The following DCC variants were observed in gnomAD, a reference collection of about 807,000 sequenced individuals.
DCC encodes the protein netrin receptor DCC.
In DCC, 58 loss-of-function variants were observed where a neutral mutation model predicts 172.5. That is an observed-to-expected ratio of 0.34 (90% CI 0.27 to 0.42). The LOEUF (loss-of-function observed/expected upper bound fraction) is 0.42. DCC is among the 10% of genes least tolerant of loss of function. DCC has a pLI of 1.00. For synonymous variants in DCC, 709 were observed against 644.5 expected (o/e 1.10, Z -1.52); for missense variants, 1,740 against 1,791.0 (o/e 0.97, Z 0.51).
At chr18:53,353,974 C>T (rs898341113) in intron 15 of DCC, among the ~76,000 whole-genome samples, 10 of 152,140 alleles carry the variant, frequency 6.6e-5, no homozygotes, top group East Asian at 1.9e-4. Flanking sequence ...CAAGTGTTCT[C>T]GTTGTTCAAT....
intron 12 of DCC, among the ~76,000 whole-genome samples, chr18:53,256,083 G>A (rs2056508292): frequency 6.6e-6 from 1 of 152,016 alleles, no homozygotes; most frequent in African/African-American, 2.4e-5. Context: ...TTGTAAATTT[G>A]TTTGAGTTCA....
chr18:52,926,297 A>G (rs557924510), intron 5 of DCC, among the ~76,000 whole-genome samples: 39 of 152,056 alleles, frequency 2.6e-4, no homozygotes, highest in Non-Finnish European at 4.7e-4. Flanking sequence ...AAGGTTATTC[A>G]GAAAACACTT....
At chr18:52,880,102 G>A (rs1422524551) in intron 2 of DCC, among the ~76,000 whole-genome samples, 1 of 151,672 alleles carries the variant, frequency 6.6e-6, no homozygotes, top group Non-Finnish European at 1.5e-5. Flanking sequence ...ACTCCGTTGT[G>A]CTATCAAATA....
chr18:52,491,654 T>C (rs972220151), intron 1 of DCC, among the ~76,000 whole-genome samples: 32 of 152,066 alleles, frequency 2.1e-4, no homozygotes, highest in Admixed American at 2.0e-4. Flanking sequence ...GTGGTGACAA[T>C]GAAGACAGAA....
chr18:52,811,040 C>T (rs1268383131), intron 2 of DCC, among the ~76,000 whole-genome samples: 3 of 152,100 alleles, frequency 2.0e-5, no homozygotes, highest in African/African-American at 7.2e-5. Flanking sequence ...GGACAACACA[C>T]AAATCGTTGA....
chr18:53,448,047 G>GTTT (rs35238619), intron 22 of DCC, among the ~76,000 whole-genome samples: 1,424 of 113,574 alleles, frequency 0.013, 43 homozygotes, highest in African/African-American at 0.045. Flanking sequence ...ATTTTGATGA[G>GTTT]TTTTTTTTTT....
At chr18:53,519,439 A>G (rs192200388) in intron 27 of DCC, among the ~76,000 whole-genome samples, 1 of 151,864 alleles carries the variant, frequency 6.6e-6, no homozygotes, top group East Asian at 1.9e-4. Context: ...ATGAAAGGTG[A>G]TTTTTCCAAC....
intron 13 of DCC, among the ~76,000 whole-genome samples, chr18:53,319,113 C>T (rs1222877552): frequency 1.3e-5 from 2 of 152,086 alleles, no homozygotes; most frequent in Non-Finnish European, 2.9e-5. Flanking sequence ...CTGAAGGAAG[C>T]ACTAAATATG....
At chr18:53,113,273 A>T (rs1185258190) in intron 7 of DCC, among the ~76,000 whole-genome samples, 3 of 151,514 alleles carry the variant, frequency 2.0e-5, no homozygotes, top group Non-Finnish European at 4.4e-5. Flanking sequence ...TGCTCGGTAA[A>T]TAAACTATAG....
intron 5 of DCC, among the ~76,000 whole-genome samples, chr18:52,930,369 G>A (rs188094426): frequency 1.3e-5 from 2 of 152,222 alleles, no homozygotes; most frequent in African/African-American, 4.8e-5. Flanking sequence ...TGAAGGAAAG[G>A]ATCTTTTGAG....
At chr18:53,505,744 A>G (rs2046165625) in intron 27 of DCC, among the ~76,000 whole-genome samples, 1 of 152,230 alleles carries the variant, frequency 6.6e-6, no homozygotes, top group African/African-American at 2.4e-5. Flanking sequence ...GAAACATGTA[A>G]GCTACAAAGA....
At chr18:53,001,513 C>T (rs2041564146) in intron 5 of DCC, among the ~76,000 whole-genome samples, 1 of 152,062 alleles carries the variant, frequency 6.6e-6, no homozygotes, top group Non-Finnish European at 1.5e-5. Flanking sequence ...TTTATGAGAA[C>T]AGTAAGTCAC....
chr18:53,208,303 G>A (rs1226485018), intron 11 of DCC, among the ~76,000 whole-genome samples: 2 of 151,318 alleles, frequency 1.3e-5, no homozygotes, highest in Non-Finnish European at 2.9e-5. Flanking sequence ...ATGTATATAT[G>A]TATATACATA....
intron 7 of DCC, among the ~76,000 whole-genome samples, chr18:53,072,773 T>G (rs1599098356): frequency 6.6e-6 from 1 of 152,334 alleles, no homozygotes; most frequent in East Asian, 1.9e-4. Flanking sequence ...GGTCTATGTC[T>G]TATGTTAATA....
At chr18:53,300,299 A>G (rs143705844) in intron 12 of DCC, among the ~76,000 whole-genome samples, 1 of 152,292 alleles carries the variant, frequency 6.6e-6, no homozygotes, top group East Asian at 1.9e-4. Context: ...GAGTTGCCAA[A>G]TGTCCACGTT....
chr18:53,160,423 A>C (rs1332675593), intron 8 of DCC, among the ~76,000 whole-genome samples: 1 of 152,210 alleles, frequency 6.6e-6, no homozygotes, highest in Non-Finnish European at 1.5e-5. Context: ...CCATAGCTAC[A>C]GTTCCATGGC....
chr18:52,374,519 TA>T, intron 1 of DCC, among the ~76,000 whole-genome samples: 1 of 152,050 alleles, frequency 6.6e-6, no homozygotes, highest in South Asian at 2.1e-4. Context: ...TATATATATA[TA>T]TTCATGCATC....
At chr18:53,519,210 C>G (rs1461737526) in intron 27 of DCC, among the ~76,000 whole-genome samples, 2 of 151,926 alleles carry the variant, frequency 1.3e-5, no homozygotes, top group Non-Finnish European at 2.9e-5. Context: ...CATACAGACC[C>G]CAAAATCCAA....
intron 5 of DCC, among the ~76,000 whole-genome samples, chr18:52,969,584 ACTCTCTCTCTCTCTCT>A (rs56024197): frequency 1.3e-4 from 16 of 119,536 alleles, no homozygotes; most frequent in East Asian, 2.6e-4. Context: ...CCCGCCCCCC[ACTCTCTCTCTCTCTCT>A]CTCTCTCTCT....
Sources: allele counts gnomAD v4.1 joint callset (sites outside exome capture counted in the v4.1 genomes callset), GRCh38; gene constraint gnomAD v4.1.1; transcripts MANE v1.5; gene names NCBI Gene and HGNC (gene_info 2026-07-23, HGNC 2026-07-21).